Variants in SNX9 observed in about 807,000 individuals in gnomAD.
The protein encoded by SNX9 is sorting nexin-9.
A neutral mutation model predicts 89.4 loss-of-function variants in SNX9; 44 were observed. That is an observed-to-expected ratio of 0.49 (90% CI 0.39 to 0.63). The LOEUF (loss-of-function observed/expected upper bound fraction) is 0.63, where lower values mean the gene tolerates loss of function less well. Ranked by LOEUF, SNX9 falls within the 30% of genes least tolerant of loss-of-function variation. The pLI is 0.00. For missense variants in SNX9, 578 were observed against 736.1 expected (o/e 0.79, Z 2.49); for synonymous variants, 236 against 247.8 (o/e 0.95, Z 0.45).
At chr6:157,877,754 C>T (rs1046787517) in intron 4 of SNX9, among the ~76,000 whole-genome samples, 2 of 152,040 alleles carry the variant, frequency 1.3e-5, no homozygotes, top group Non-Finnish European at 2.9e-5. Flanking sequence ...TGGGCACATC[C>T]CCTCTCAGGC....
rs1562585969 is a variant in SNX9 at position 157,826,846 on chromosome 6, T to TTTTATATATAAATATATATTATAG, written c.12+3409_12+3432dup. The stretch of plus-strand genomic sequence containing the variant: ...TATTATATTTTATATATATATTATA[T>TTTTATATATAAATATATATTATAG]TTTATATATAAATATATATTATAGT... On this transcript the variant is annotated intron_variant, in intron 1 of 17. Coordinates refer to ENST00000392185, the MANE Select transcript of SNX9 (RefSeq NM_016224.5). Among the ~76,000 whole-genome samples, 576 of 73,242 alleles carry TTTTATATATAAATATATATTATAG rather than the reference T, an allele frequency of 7.9e-3. 110 individuals are homozygous for TTTTATATATAAATATATATTATAG. In the East Asian group the frequency reaches 0.1, roughly 13 times the overall value. The allele number at this position is 73,242 out of a possible 152,430, so 48.0% of individuals were successfully genotyped here. A position where few individuals can be genotyped will look rare whatever the true frequency, so the allele number is the denominator to read the frequency against.
chr6:157,857,539 G>C (rs943375421), intron 1 of SNX9, among the ~76,000 whole-genome samples: 1 of 151,960 alleles, frequency 6.6e-6, no homozygotes, highest in African/African-American at 2.4e-5. Context: ...TTTTCCTTCA[G>C]ATAGTTACTT....
intron 1 of SNX9, among the ~76,000 whole-genome samples, chr6:157,851,808 T>TG (rs1288609705): frequency 6.6e-6 from 1 of 152,106 alleles, no homozygotes; most frequent in African/African-American, 2.4e-5. Context: ...AAGCTGGTCT[T>TG]GAACTTCTGA....
intron 5 of SNX9, among the ~76,000 whole-genome samples, chr6:157,898,820 G>A (rs554062363): frequency 6.6e-6 from 1 of 152,288 alleles, no homozygotes; most frequent in Admixed American, 6.5e-5. Context: ...CCAAAGCAGG[G>A]TGCAGGTCCC....
intron 4 of SNX9, chr6:157,892,921 G>A (rs1217119139): frequency 6.6e-5 from 10 of 152,118 alleles, no homozygotes; most frequent in Non-Finnish European, 1.0e-4. Flanking sequence ...AGCTGTTAAC[G>A]GAATTCCAAC....
chr6:157,868,384 C>G (rs1012830103), intron 2 of SNX9, among the ~76,000 whole-genome samples: 1 of 152,170 alleles, frequency 6.6e-6, no homozygotes, highest in Admixed American at 6.5e-5. Flanking sequence ...TGTGTCTCTG[C>G]TTATATAACT....
chr6:157,878,021 TA>T (rs1185420128), intron 4 of SNX9, among the ~76,000 whole-genome samples: 6 of 152,366 alleles, frequency 3.9e-5, no homozygotes, highest in African/African-American at 1.4e-4. Context: ...CATTTCAGAG[TA>T]ACTAGTTCAT....
chr6:157,932,906 T>C (rs1282660840), intron 13 of SNX9, among the ~76,000 whole-genome samples: 1 of 136,256 alleles, frequency 7.3e-6, no homozygotes, highest in African/African-American at 2.7e-5. Context: ...CCAGATTTCA[T>C]CAAGGCCATT....
At chr6:157,826,274 G>A (rs990970622) in intron 1 of SNX9, among the ~76,000 whole-genome samples, 4 of 151,986 alleles carry the variant, frequency 2.6e-5, no homozygotes, top group Admixed American at 6.6e-5. Flanking sequence ...CGAGGCGGGC[G>A]GATCACGAGG....
chr6:157,878,420 G>A (rs1782558699), intron 4 of SNX9, among the ~76,000 whole-genome samples: 1 of 151,534 alleles, frequency 6.6e-6, no homozygotes, highest in African/African-American at 2.4e-5. Flanking sequence ...CTTGGAATAT[G>A]GAAGCCCACC....
In SNX9 at chr6:157,942,817, C is replaced by A; in HGVS notation, c.1767C>A (p.Leu589=). 6.2e-7 allele frequency: 1 copy of A among 1,614,064 alleles called. No individual in the cohort carries two copies. The highest frequency in any genetic ancestry group is 8.5e-7 in the Non-Finnish European group (1 of 1,179,990). The change falls in exon 18 of 18, where the codon CTC becomes CTA. Residue 589 remains leucine (L), a synonymous_variant. Coordinates refer to ENST00000392185, the MANE Select transcript of SNX9 (RefSeq NM_016224.5). The part of the protein sequence containing the change: ...ETIAEKLRQA[L]SRFPVM ...TTGCAGAAAAGCTGAGGCAGGCCCT[C>A]AGCCGCTTTCCAGTGATGTAGGACA...
At position 157,836,036 on chromosome 6, in the gene SNX9, A is replaced by G. The variant is rs1016268868; in HGVS notation, c.12+12590A>G. ...AGCCTCGACCTCCCAGGCACAAGCA[A>G]TCCTTCTGCCTCAGCCTCCCAAGTA... On this transcript the variant is annotated intron_variant, in intron 1 of 17. Coordinates refer to ENST00000392185, the MANE Select transcript of SNX9 (RefSeq NM_016224.5). Among the ~76,000 whole-genome samples the G allele has an allele frequency of 2.6e-5, 4 of 152,238 alleles. No individual in the cohort carries two copies. The East Asian group carries it at 5.8e-4, about 22-fold the overall frequency.
chr6:157,868,942 C>T (rs1782329797), intron 2 of SNX9, among the ~76,000 whole-genome samples: 1 of 152,232 alleles, frequency 6.6e-6, no homozygotes, highest in Non-Finnish European at 1.5e-5. Context: ...CAACGTGTCT[C>T]TTCTGTGTCC....
chr6:157,824,621 C>G (rs1344590406), intron 1 of SNX9, among the ~76,000 whole-genome samples: 1 of 152,116 alleles, frequency 6.6e-6, no homozygotes, highest in Non-Finnish European at 1.5e-5. Flanking sequence ...CTTCGGTCTG[C>G]TAGATGTTGT....
chr6:157,906,708 T>C (rs540130364), intron 7 of SNX9, among the ~76,000 whole-genome samples: 2 of 152,324 alleles, frequency 1.3e-5, no homozygotes, highest in Admixed American at 6.5e-5. Context: ...AAAGACATCA[T>C]TGAGAATATC....
intron 1 of SNX9, among the ~76,000 whole-genome samples, chr6:157,850,590 C>CT (rs1438905859): frequency 6.6e-6 from 1 of 151,944 alleles, no homozygotes; most frequent in South Asian, 2.1e-4. Context: ...CTTGGCTTCT[C>CT]TTTTTTTTCC....
At chr6:157,923,328 C>T (rs928308973) in intron 10 of SNX9, among the ~76,000 whole-genome samples, 9 of 151,908 alleles carry the variant, frequency 5.9e-5, no homozygotes, top group Non-Finnish European at 1.0e-4. Context: ...CACAGAAACC[C>T]CCAAAGAATC....
At chr6:157,895,355 C>G (rs937004908) in intron 4 of SNX9, among the ~76,000 whole-genome samples, 3 of 152,272 alleles carry the variant, frequency 2.0e-5, no homozygotes, top group East Asian at 3.9e-4. Flanking sequence ...AGGTCCTGTT[C>G]TTAGTGAGTT....
At chr6:157,826,330 A>G (rs971016421) in intron 1 of SNX9, among the ~76,000 whole-genome samples, 2 of 151,582 alleles carry the variant, frequency 1.3e-5, no homozygotes, top group African/African-American at 4.9e-5. Flanking sequence ...AACTCCATCT[A>G]TACTAAAAAT....
Sources: allele counts gnomAD v4.1 joint callset (sites outside exome capture counted in the v4.1 genomes callset), GRCh38; gene constraint gnomAD v4.1.1; transcripts MANE v1.5; gene names NCBI Gene and HGNC (gene_info 2026-07-23, HGNC 2026-07-21).